SPSB1: variants seen among roughly 807,000 people sequenced by gnomAD.
SPSB1 encodes splA/ryanodine receptor domain and SOCS box containing 1.
A neutral mutation model predicts 21.2 loss-of-function variants in SPSB1; 8 were observed. The ratio of observed to expected loss-of-function variants is 0.38; its 90% CI spans 0.22 to 0.68. The LOEUF (loss-of-function observed/expected upper bound fraction) is 0.68. SPSB1 is among the 30% of genes least tolerant of loss of function. SPSB1 has a pLI of 0.53. For synonymous variants in SPSB1, 169 were observed against 161.7 expected, an observed-to-expected ratio of 1.05 and a Z score of -0.34; for missense variants, 242 against 377.8, an observed-to-expected ratio of 0.64 and a Z score of 2.98.
intron 1 of SPSB1, among the ~76,000 whole-genome samples, chr1:9,327,755 A>G (rs1639839849): frequency 6.6e-6 from 1 of 152,234 alleles, no homozygotes; most frequent in Non-Finnish European, 1.5e-5. Flanking sequence ...TGTAGACCAT[A>G]TGGTGTCTGC....
chr1:9,343,116 G>A (rs538302071), intron 1 of SPSB1, among the ~76,000 whole-genome samples: 1 of 152,186 alleles, frequency 6.6e-6, no homozygotes, highest in Non-Finnish European at 1.5e-5. Context: ...ACCTTTTTAA[G>A]AGTACAATTC....
chr1:9,314,151 G>A (rs1250611523), intron 1 of SPSB1, among the ~76,000 whole-genome samples: 2 of 150,920 alleles, frequency 1.3e-5, no homozygotes, highest in African/African-American at 2.4e-5. Flanking sequence ...ACTCCAGCCT[G>A]GGCAACAGAT....
intron 1 of SPSB1, among the ~76,000 whole-genome samples, chr1:9,331,321 GTTTTTTTTTTTTT>G (rs34199175): frequency 1.9e-5 from 1 of 53,704 alleles, no homozygotes; most frequent in African/African-American, 7.9e-5. Context: ...TGGTGCTCTT[GTTTTTTTTTTTTT>G]TTTTTTTTTT....
chr1:9,297,568 A>G (rs545673547), intron 1 of SPSB1, among the ~76,000 whole-genome samples: 2 of 152,242 alleles, frequency 1.3e-5, no homozygotes, highest in South Asian at 4.1e-4. Flanking sequence ...AGGATGTGGA[A>G]CGAACATGAA....
chr1:9,350,128 C>G (rs1344593911), intron 1 of SPSB1, among the ~76,000 whole-genome samples: 11 of 152,138 alleles, frequency 7.2e-5, no homozygotes, highest in Non-Finnish European at 1.6e-4. Context: ...CCCTACCACC[C>G]GCACAGGTAC....
chr1:9,313,297 G>A (rs1183171002), intron 1 of SPSB1, among the ~76,000 whole-genome samples: 1 of 152,222 alleles, frequency 6.6e-6, no homozygotes, highest in African/African-American at 2.4e-5. Context: ...CTACTTGGGA[G>A]GCTGAGGCAG....
chr1:9,367,847 A>G lies in SPSB1; in HGVS notation c.*272A>G. ...TCTTTGAAAAAAGACACAGAGAATA[A>G]ACTCCTACGAAAGCCCTACATTGAG... is the stretch of plus-strand genomic sequence containing the variant. On this transcript the variant is annotated 3_prime_UTR_variant, in exon 3 of 3. Coordinates refer to ENST00000328089, the MANE Select transcript of SPSB1 (RefSeq NM_025106.4). The surrounding 1 kb of genome is among the most constrained non-coding windows in gnomAD (Gnocchi z 5.9). The G allele has an allele frequency of 2.1e-6, 1 of 470,404 alleles. No individual in the cohort carries two copies. Among genetic ancestry groups the G allele is most frequent in the South Asian group, 2.6e-5 (1 of 38,984 alleles). The allele number at this position is 470,404 out of a possible 1,614,324, so 29.1% of individuals were successfully genotyped here.
chr1:9,307,450 G>A (rs1639438876), intron 1 of SPSB1, among the ~76,000 whole-genome samples: 1 of 152,186 alleles, frequency 6.6e-6, no homozygotes, highest in Non-Finnish European at 1.5e-5. Context: ...GATTTGACGG[G>A]TTTGCCTGTG....
intron 2 of SPSB1, among the ~76,000 whole-genome samples, chr1:9,359,663 C>T (rs906513524): frequency 6.7e-6 from 1 of 148,176 alleles, no homozygotes; most frequent in Non-Finnish European, 1.5e-5. Flanking sequence ...GATTGCACCA[C>T]TGTACTCTAG....
At chr1:9,326,326 G>A (rs965169689) in intron 1 of SPSB1, among the ~76,000 whole-genome samples, 31 of 152,160 alleles carry the variant, frequency 2.0e-4, no homozygotes, top group African/African-American at 7.2e-4. Context: ...ACTGGAGGTG[G>A]AGACACCCAG....
At position 9,355,945 on chromosome 1, in the gene SPSB1, G is replaced by A. The variant is rs770454759; in HGVS notation, c.54G>A (p.Thr18=). 3.0e-5 allele frequency: 48 copies of A among 1,612,350 alleles called. No individual in the cohort carries two copies. The Admixed American group carries it at 5.5e-4, about 19-fold the overall frequency. ...GIKTVDMRDP[T]YRPLKQELQG... is the part of the protein sequence containing the mutation. ...AGACTGTGGACATGAGGGACCCCAC[G>A]TACAGGCCCCTGAAGCAGGAGCTCC... is the stretch of plus-strand genomic sequence containing the variant. The change falls in exon 2 of 3, where the codon ACG becomes ACA. Residue 18 remains threonine, a synonymous_variant. Transcript: ENST00000328089.
At chr1:9,337,023 C>T (rs1640015727) in intron 1 of SPSB1, among the ~76,000 whole-genome samples, 1 of 138,874 alleles carries the variant, frequency 7.2e-6, no homozygotes, top group Admixed American at 7.3e-5. Context: ...GGCTGCAGAC[C>T]ATGTTTCTAG....
Position 9,356,283 on chromosome 1 carries a change from C to T in SPSB1, c.392C>T (p.Thr131Ile). The T allele has an allele frequency of 6.2e-7, 1 of 1,613,454 alleles. No individual in the cohort carries two copies. The highest frequency in any genetic ancestry group is 1.1e-5 in the South Asian group (1 of 91,074). Residue 131 changes from threonine to isoleucine, a missense_variant, in exon 2 of 3, where the codon ACC (threonine) becomes ATC (isoleucine). By Grantham distance (89) the Thr-to-Ile change is moderately conservative. Transcript: ENST00000328089. This position sits in a 1 kb window ranked among gnomAD's most constrained non-coding sequence, Gnocchi z 7.4. Reference sequence around the variant, plus strand: ...CCCCTGCACTCTGTCGGGTACACAACCCTCGTGGGGAATAACCACGAGTCC... The same window carrying T: ...CCCCTGCACTCTGTCGGGTACACAATCCTCGTGGGGAATAACCACGAGTCC... ...DAPLHSVGYT[T>I]LVGNNHESWG... is the part of the protein sequence containing the mutation.
intron 1 of SPSB1, among the ~76,000 whole-genome samples, chr1:9,299,649 T>G (rs1639293336): frequency 6.6e-6 from 1 of 152,074 alleles, no homozygotes; most frequent in African/African-American, 2.4e-5. Context: ...CCAGCTAATT[T>G]TTTGTATTTA....
chr1:9,318,912 G>A (rs74051617), intron 1 of SPSB1, among the ~76,000 whole-genome samples: 53 of 152,278 alleles, frequency 3.5e-4, no homozygotes, highest in African/African-American at 1.1e-3. Flanking sequence ...TGGTAGGGCC[G>A]GGCGCAGTGG....
intron 1 of SPSB1, among the ~76,000 whole-genome samples, chr1:9,341,213 A>G (rs1640086352): frequency 6.6e-6 from 1 of 152,240 alleles, no homozygotes; most frequent in African/African-American, 2.4e-5. Context: ...CCCCGGCCTC[A>G]GAACAGAGAG....
chr1:9,354,152 C>G (rs554701701), intron 1 of SPSB1, among the ~76,000 whole-genome samples: 14 of 152,262 alleles, frequency 9.2e-5, no homozygotes, highest in African/African-American at 2.6e-4. Context: ...CTGGCTGGCC[C>G]CATACTGAAG....
intron 1 of SPSB1, among the ~76,000 whole-genome samples, chr1:9,330,028 C>T (rs1360029055): frequency 1.3e-5 from 2 of 152,220 alleles, no homozygotes; most frequent in Admixed American, 1.3e-4. Flanking sequence ...AAAGGGAAAC[C>T]TGACCATCTG....
chr1:9,294,867 T>G (rs1488095510), intron 1 of SPSB1, among the ~76,000 whole-genome samples: 1 of 152,106 alleles, frequency 6.6e-6, no homozygotes, highest in African/African-American at 2.4e-5. Context: ...AGCCCTGGGC[T>G]AAGCATGGGC....
Sources: allele counts gnomAD v4.1 joint callset (sites outside exome capture counted in the v4.1 genomes callset), GRCh38; gene constraint gnomAD v4.1.1; non-coding constraint Gnocchi (gnomAD v3.1); transcripts MANE v1.5; gene names NCBI Gene and HGNC (gene_info 2026-07-23, HGNC 2026-07-21).